The following IMMP2L variants were observed in gnomAD, a reference collection of about 807,000 sequenced individuals.
The protein encoded by IMMP2L is inner mitochondrial membrane peptidase subunit 2, also known as mitochondrial inner membrane protease subunit 2.
Under a neutral mutation model 19.3 loss-of-function variants are expected in IMMP2L, and 18 were observed. That is an observed-to-expected ratio of 0.93 (90% CI 0.64 to 1.38). The LOEUF (loss-of-function observed/expected upper bound fraction) is 1.38. Ranked by LOEUF, IMMP2L falls within the 40% of genes most tolerant of loss-of-function variation. The probability of loss-of-function intolerance (pLI) is 0.00; values close to 1 mark genes in which losing one functional copy is unlikely to be tolerated. For missense variants in IMMP2L, 233 were observed against 218.2 expected (o/e 1.07, Z -0.43); for synonymous variants, 76 against 73.0 (o/e 1.04, Z -0.21).
intron 5 of IMMP2L, among the ~76,000 whole-genome samples, chr7:110,786,291 C>T (rs182321723): frequency 8.6e-5 from 13 of 151,826 alleles, no homozygotes; most frequent in Non-Finnish European, 1.6e-4. Context: ...TTTCAGTTGC[C>T]CTTTGACACT....
At chr7:111,254,932 A>T (rs989070975) in intron 3 of IMMP2L, among the ~76,000 whole-genome samples, 1 of 152,172 alleles carries the variant, frequency 6.6e-6, no homozygotes, top group Admixed American at 6.6e-5. Context: ...CATAGCAAAC[A>T]TATATGTAAC....
intron 3 of IMMP2L, among the ~76,000 whole-genome samples, chr7:111,152,226 A>G (rs1382312530): frequency 6.6e-6 from 1 of 152,178 alleles, no homozygotes; most frequent in Non-Finnish European, 1.5e-5. Context: ...ATTAATTGCT[A>G]TTAATTACAT....
chr7:110,852,503 G>C (rs548520726), intron 5 of IMMP2L, among the ~76,000 whole-genome samples: 1 of 152,110 alleles, frequency 6.6e-6, no homozygotes, highest in African/African-American at 2.4e-5. Flanking sequence ...GAAAATTTTT[G>C]ATCTTCTATA....
At chr7:111,207,871 A>C (rs1261895772) in intron 3 of IMMP2L, among the ~76,000 whole-genome samples, 3 of 151,912 alleles carry the variant, frequency 2.0e-5, no homozygotes, top group Non-Finnish European at 4.4e-5. Flanking sequence ...TATTAATTTT[A>C]CTCTACCAGC....
chr7:111,447,607 C>CA (rs1400663674), intron 3 of IMMP2L, among the ~76,000 whole-genome samples: 3 of 151,026 alleles, frequency 2.0e-5, no homozygotes, highest in African/African-American at 7.3e-5. Flanking sequence ...AAAATCATGC[C>CA]AAAATGTAAA....
intron 3 of IMMP2L, among the ~76,000 whole-genome samples, chr7:111,330,281 C>T (rs1825746215): frequency 6.6e-6 from 1 of 151,140 alleles, no homozygotes; most frequent in Non-Finnish European, 1.5e-5. Flanking sequence ...AGTAGAAAAT[C>T]AACTAAATGA....
intron 3 of IMMP2L, among the ~76,000 whole-genome samples, chr7:111,208,935 G>A (rs896687140): frequency 6.6e-6 from 1 of 152,060 alleles, no homozygotes; most frequent in Non-Finnish European, 1.5e-5. Flanking sequence ...TATCCTTTGA[G>A]GTAACTTATG....
At chr7:111,486,121 G>A (rs995551129) in intron 3 of IMMP2L, among the ~76,000 whole-genome samples, 3 of 152,070 alleles carry the variant, frequency 2.0e-5, no homozygotes, top group Non-Finnish European at 4.4e-5. Context: ...ATTTTTAAAA[G>A]CACTCAAAAC....
At chr7:111,554,254 A>G (rs1790999875) in intron 1 of IMMP2L, among the ~76,000 whole-genome samples, 1 of 152,194 alleles carries the variant, frequency 6.6e-6, no homozygotes, top group African/African-American at 2.4e-5. Flanking sequence ...AAATTCACAG[A>G]AAGTTTATAT....
chr7:111,272,704 G>A (rs1235390961), intron 3 of IMMP2L, among the ~76,000 whole-genome samples: 2 of 152,146 alleles, frequency 1.3e-5, no homozygotes, highest in Non-Finnish European at 2.9e-5. Context: ...CCAGCCATGG[G>A]CTTATTCCCA....
intron 5 of IMMP2L, among the ~76,000 whole-genome samples, chr7:110,747,606 A>T (rs1293308166): frequency 6.6e-6 from 1 of 152,216 alleles, no homozygotes; most frequent in Non-Finnish European, 1.5e-5. Context: ...ATGCAAATCA[A>T]TAAACGTAAT....
At chr7:110,856,383 C>T (rs1405486358) in intron 5 of IMMP2L, among the ~76,000 whole-genome samples, 1 of 151,896 alleles carries the variant, frequency 6.6e-6, no homozygotes, top group African/African-American at 2.4e-5. Context: ...ATGCCACTGC[C>T]AAGATAAGTA....
intron 3 of IMMP2L, among the ~76,000 whole-genome samples, chr7:111,105,414 C>G (rs1303766344): frequency 6.6e-6 from 1 of 151,778 alleles, no homozygotes; most frequent in Non-Finnish European, 1.5e-5. Flanking sequence ...GAACAATACA[C>G]CACAACAGTA....
chr7:111,481,443 C>G (rs1842178321), intron 3 of IMMP2L, among the ~76,000 whole-genome samples: 1 of 152,160 alleles, frequency 6.6e-6, no homozygotes, highest in African/African-American at 2.4e-5. Context: ...TATTTAGCCT[C>G]TCTATGCTTT....
At chr7:111,445,812 G>A (rs544026051) in intron 3 of IMMP2L, among the ~76,000 whole-genome samples, 1 of 152,174 alleles carries the variant, frequency 6.6e-6, no homozygotes, top group Non-Finnish European at 1.5e-5. Flanking sequence ...CATCTCACTA[G>A]GGAGTGCCAG....
intron 3 of IMMP2L, among the ~76,000 whole-genome samples, chr7:111,206,025 G>A (rs1810668902): frequency 6.6e-6 from 1 of 152,164 alleles, no homozygotes; most frequent in Non-Finnish European, 1.5e-5. Context: ...ATTAAAACGT[G>A]CTACAAAACA....
At chr7:110,667,405 C>A (rs939540930) in intron 5 of IMMP2L, among the ~76,000 whole-genome samples, 1 of 152,172 alleles carries the variant, frequency 6.6e-6, no homozygotes, top group Non-Finnish European at 1.5e-5. Context: ...AAGATGTCCA[C>A]ATCTTAATTG....
At chr7:111,494,366 C>T (rs993256484) in intron 2 of IMMP2L, among the ~76,000 whole-genome samples, 1 of 152,176 alleles carries the variant, frequency 6.6e-6, no homozygotes, top group Non-Finnish European at 1.5e-5. Context: ...AAAGACCCAC[C>T]CTCACCCAAG....
intron 5 of IMMP2L, among the ~76,000 whole-genome samples, chr7:110,667,040 T>A (rs1791512550): frequency 6.6e-6 from 1 of 152,028 alleles, no homozygotes; most frequent in Non-Finnish European, 1.5e-5. Flanking sequence ...CCCAGCTAAT[T>A]TTTTGTATTT....
Sources: allele counts gnomAD v4.1 joint callset (sites outside exome capture counted in the v4.1 genomes callset), GRCh38; gene constraint gnomAD v4.1.1; transcripts MANE v1.5; gene names NCBI Gene and HGNC (gene_info 2026-07-23, HGNC 2026-07-21).